Variants in SP140 observed in about 807,000 individuals in gnomAD.
SP140 encodes nuclear body protein SP140.
A neutral mutation model predicts 125.0 loss-of-function variants in SP140; 81 were observed. The observed-to-expected ratio is 0.65, with a 90% CI of 0.54 to 0.78. The LOEUF (loss-of-function observed/expected upper bound fraction) is 0.78, where lower values mean the gene tolerates loss of function less well. Among genes scored for constraint, SP140 ranks in the 30% least tolerant of loss-of-function variants. The pLI, the probability that SP140 is intolerant of heterozygous loss-of-function variation, is 0.00. For synonymous variants in SP140, 312 were observed against 354.0 expected, an observed-to-expected ratio of 0.88 and a Z score of 1.33; for missense variants, 858 against 1,037.0, an observed-to-expected ratio of 0.83 and a Z score of 2.37.
chr2:230,196,337 A>T, the SP140 span, among the ~76,000 whole-genome samples: 1 of 152,172 alleles, frequency 6.6e-6, no homozygotes, highest in East Asian at 1.9e-4. Flanking sequence ...AATTGCGGTG[A>T]ATCATACGTA....
intron 10 of SP140, among the ~76,000 whole-genome samples, chr2:230,252,953 G>A (rs1045595703): frequency 2.6e-5 from 4 of 152,146 alleles, no homozygotes; most frequent in East Asian, 1.9e-4. Context: ...AAGGGAGATC[G>A]TGGAAACACA....
In SP140 at chr2:230,255,499, G is replaced by C; in HGVS notation, c.1207G>C (p.Glu403Gln). The C allele has an allele frequency of 6.2e-7, 1 of 1,613,054 alleles. No homozygotes were observed. Residue 403 changes from glutamate to glutamine, a missense_variant, in exon 12 of 27, where the codon GAA becomes CAA. By Grantham distance (29) the Glu-to-Gln change is conservative. Around this residue, in one of 4 missense-constraint regions of SP140, gnomAD observed 791 missense variants for 869.5 expected, o/e 0.91. Transcript: ENST00000392045. ...AATGTGTGATGGAGAAGAGCGCCAG[G>C]AAGCCTCTAGCTCCCTAGCAAGACG... Reference protein sequence around the residue: ...SEMCDGEERQEASSSLARRGS... With the variant: ...SEMCDGEERQQASSSLARRGS...
At chr2:230,293,303 T>G (rs192367069) in intron 20 of SP140, among the ~76,000 whole-genome samples, 1 of 152,186 alleles carries the variant, frequency 6.6e-6, no homozygotes, top group Non-Finnish European at 1.5e-5. Flanking sequence ...TGAAATCTTC[T>G]AGGATTGGAA....
chr2:230,246,040 T>C, intron 7 of SP140, 100 bp downstream of exon 7: 1 of 690,892 alleles, frequency 1.4e-6, no homozygotes, highest in South Asian at 1.6e-5. Flanking sequence ...CATGTATTCA[T>C]CCATATATCC....
chr2:230,269,787 G>C (rs1213856565), intron 13 of SP140, 50 bp from the exon 14 acceptor site: 3 of 1,427,844 alleles, frequency 2.1e-6, no homozygotes, highest in South Asian at 1.2e-5. Context: ...GCAGAAAATA[G>C]AGTCACTGGG....
Position 230,280,483 on chromosome 2 carries a change from A to T in SP140, c.1499-3863A>T, listed in dbSNP as rs539157012. 1.5e-4 allele frequency among the ~76,000 whole-genome samples: 23 copies of T among 152,200 alleles called. 1 individual carries two copies. Among genetic ancestry groups the T allele is most frequent in the African/African-American group, 4.8e-4 (20 of 41,540 alleles). Reference sequence around the variant, plus strand: ...GGTAAATTTCAATTTGTTTACATTTATTGAGTTTCCAGATGTATACGGACC... The same window carrying T: ...GGTAAATTTCAATTTGTTTACATTTTTTGAGTTTCCAGATGTATACGGACC... On this transcript the variant is annotated intron_variant, in intron 15 of 26. Coordinates refer to ENST00000392045, the MANE Select transcript of SP140 (RefSeq NM_007237.5).
intron 12 of SP140, among the ~76,000 whole-genome samples, chr2:230,258,949 A>C (rs1284507227): frequency 6.6e-6 from 1 of 152,138 alleles, no homozygotes; most frequent in Non-Finnish European, 1.5e-5. Flanking sequence ...CAAGTACAAA[A>C]TCTCCAGAAC....
At chr2:230,252,977 G>T (rs1440185990) in intron 10 of SP140, among the ~76,000 whole-genome samples, 1 of 152,152 alleles carries the variant, frequency 6.6e-6, no homozygotes, top group Non-Finnish European at 1.5e-5. Context: ...TGGAAATAGA[G>T]CCTGCTCTAT....
rs186508012 is a variant in SP140 at position 230,255,437 on chromosome 2, C to T, written c.1160-15C>T. On this transcript the variant is annotated splice_polypyrimidine_tract_variant and intron_variant, in intron 11 of 26. Coordinates refer to ENST00000392045, the MANE Select transcript of SP140 (RefSeq NM_007237.5). ...GTATACTGAGACCTCTGAGGGATTTCCTTCCTTTCTGCAGAGGGCAGTGAT... is the reference window on the plus strand; with the variant it reads ...GTATACTGAGACCTCTGAGGGATTTTCTTCCTTTCTGCAGAGGGCAGTGAT... 1.0e-4 allele frequency: 169 copies of T among 1,613,732 alleles called. 1 individual carries two copies. In the East Asian group the frequency reaches 3.6e-3, roughly 34 times the overall value.
At chr2:230,285,725 A>C (rs1575209980) in intron 16 of SP140, 27 bp from the exon 17 acceptor site, 1 of 1,580,044 alleles carries the variant, frequency 6.3e-7, no homozygotes, top group African/African-American at 1.3e-5. Flanking sequence ...CAGTTCTATT[A>C]ATACATTTTC....
chr2:230,189,672 A>G, the SP140 span, among the ~76,000 whole-genome samples: 7 of 152,016 alleles, frequency 4.6e-5, no homozygotes, highest in African/African-American at 1.7e-4. Context: ...CTATTGACCC[A>G]TCCTCTAAGT....
intron 3 of SP140, chr2:230,214,203 CA>C (rs2044833471): frequency 6.6e-6 from 1 of 152,262 alleles, no homozygotes; most frequent in East Asian, 1.9e-4. Flanking sequence ...TTTATTTATC[CA>C]GTCTCTTTTC....
chr2:230,269,431 T>C, intron 12 of SP140, 101 bp from the exon 13 acceptor site: 2 of 782,950 alleles, frequency 2.6e-6, no homozygotes, highest in Non-Finnish European at 4.5e-6. Context: ...GAACAGTTCA[T>C]CTTAGCTCAG....
intron 20 of SP140, 34 bp downstream of exon 20, chr2:230,292,822 C>T: frequency 1.9e-6 from 3 of 1,612,286 alleles, no homozygotes; most frequent in South Asian, 1.1e-5. Flanking sequence ...GCCTGTGTTC[C>T]TTCTTGTTCC....
intron 3 of SP140, 137 bp downstream of exon 3, chr2:230,238,518 T>G: frequency 1.1e-6 from 1 of 886,634 alleles, no homozygotes; most frequent in Middle Eastern, 3.1e-4. Flanking sequence ...AATATAATGA[T>G]GAAAAAACAC....
chr2:230,205,604 A>G (rs2043687717), intron 1 of SP140, among the ~76,000 whole-genome samples: 1 of 152,222 alleles, frequency 6.6e-6, no homozygotes, highest in South Asian at 2.1e-4. Context: ...TCTTTAAAAA[A>G]AAAATCTGTC....
Position 230,287,957 on chromosome 2 carries a change from C to A in SP140, c.1711C>A (p.Arg571=). The A allele has an allele frequency of 1.9e-6, 3 of 1,611,084 alleles. No homozygotes were observed. The highest frequency in any genetic ancestry group is 1.7e-6 in the Non-Finnish European group (2 of 1,179,044). The part of the protein sequence containing the change: ...QSDRAAQKRV[R]SRASRKHKDE... Reference sequence around the variant, plus strand: ...TGACAGAGCTGCACAGAAAAGAGTCCGATCAAGAGGTAAAAAAGAAAACAG... The same window carrying A: ...TGACAGAGCTGCACAGAAAAGAGTCAGATCAAGAGGTAAAAAAGAAAACAG... The change falls in exon 18 of 27, where the codon CGA becomes AGA. Residue 571 remains arginine, a synonymous_variant. Coordinates refer to ENST00000392045, the MANE Select transcript of SP140 (RefSeq NM_007237.5).
In SP140 at chr2:230,241,459, A is replaced by G; in HGVS notation, c.462A>G (p.Arg154=). 1 of 1,585,180 alleles carries G rather than the reference A, an allele frequency of 6.3e-7. No homozygotes were observed. The highest frequency in any genetic ancestry group is 8.7e-7 in the Non-Finnish European group (1 of 1,153,670). Residue 154 remains arginine, a synonymous_variant, in exon 4 of 27, where the codon AGA becomes AGG. Transcript: ENST00000392045. ...QMNNVNDLED[R]PRLLPYGKQE... ...ATAATGTAAACGATTTAGAAGATAG[A>G]CCCAGATTACTACCATATGGTAAAC...
At chr2:230,298,389 T>C (rs2057961559) in intron 22 of SP140, among the ~76,000 whole-genome samples, 1 of 152,228 alleles carries the variant, frequency 6.6e-6, no homozygotes, top group African/African-American at 2.4e-5. Context: ...AATAGTTTTA[T>C]ACACACCTTA....
Sources: gnomAD v4.1 joint callset for allele counts (sites outside exome capture counted in the v4.1 genomes callset) on GRCh38, gnomAD v4.1.1 for gene constraint, gnomAD v4.1.1 regional missense constraint, MANE v1.5 for transcripts, NCBI Gene and HGNC (gene_info 2026-07-23, HGNC 2026-07-21) for gene names.